SNRNP40: variants seen among roughly 807,000 people sequenced by gnomAD.
The protein encoded by SNRNP40 is U5 small nuclear ribonucleoprotein 40 kDa protein.
SNRNP40 carries 21 observed loss-of-function variants against 45.8 expected under a neutral mutation model. That is an observed-to-expected ratio of 0.46 (90% CI 0.32 to 0.66). The LOEUF (loss-of-function observed/expected upper bound fraction) is 0.66, where lower values mean the gene tolerates loss of function less well. SNRNP40 is among the 30% of genes least tolerant of loss of function. The pLI is 0.03. For synonymous variants in SNRNP40, 142 were observed against 163.8 expected (o/e 0.87, Z 1.01); for missense variants, 344 against 439.1 (o/e 0.78, Z 1.94).
At chr1:31,275,802 T>C (rs373954265) in intron 5 of SNRNP40, among the ~76,000 whole-genome samples, 4 of 152,330 alleles carry the variant, frequency 2.6e-5, no homozygotes, top group South Asian at 4.1e-4. Flanking sequence ...AAGAAATAAT[T>C]CTAGCAACCT....
Position 31,291,981 on chromosome 1 carries a change from A to T in SNRNP40, c.297T>A (p.Cys99Ter). The T allele has an allele frequency of 6.2e-7, 1 of 1,612,452 alleles. No individual in the cohort carries two copies. The highest frequency in any genetic ancestry group is 8.5e-7 in the Non-Finnish European group (1 of 1,178,462). ...LILLWNVYGD[C>*]DNYATLKGHS... ...GTCCCTTCAGTGTGGCATAGTTATC[A>T]CAGTCACCATAGACATTCCACAGTA... The change falls in exon 3 of 10, where the codon TGT (cysteine) becomes TGA (stop). Residue 99 changes from cysteine (C) to a stop codon, truncating the protein, a stop_gained. Transcript: ENST00000263694. LOFTEE classifies it high-confidence loss of function.
chr1:31,293,386 A>C, intron 1 of SNRNP40, 38 bp from the exon 2 acceptor site: 1 of 1,549,508 alleles, frequency 6.5e-7, no homozygotes, highest in South Asian at 1.2e-5. Flanking sequence ...TACTGCATAC[A>C]GACAAAGGAG....
rs1259754640 is a variant in SNRNP40, at chr1:31,278,827, G to A, written c.654+2547C>T. ...ATGATGGAGTTGTGGAAGTAGACGAGATCTGTCTTGGGGAATGTACACAGC... is the reference window on the plus strand; with the variant it reads ...ATGATGGAGTTGTGGAAGTAGACGAAATCTGTCTTGGGGAATGTACACAGC... On this transcript the variant is annotated intron_variant, in intron 5 of 9. Transcript: ENST00000263694. Among the ~76,000 whole-genome samples, 5 of 152,130 alleles carry A rather than the reference G, an allele frequency of 3.3e-5. No homozygotes were observed. In the South Asian group the frequency reaches 1.0e-3, roughly 32 times the overall value.
Position 31,294,898 on chromosome 1 carries a change from C to G in SNRNP40, c.142-1550G>C, listed in dbSNP as rs564760729. On this transcript the variant is annotated intron_variant, in intron 1 of 9. Transcript: ENST00000263694. ...CGGAGGTTGCGGTGCACCGAGATTGCGCCACTCCACTCCAGCCTGGGTGAC... is the reference window on the plus strand; with the variant it reads ...CGGAGGTTGCGGTGCACCGAGATTGGGCCACTCCACTCCAGCCTGGGTGAC... Among the ~76,000 whole-genome samples the G allele has an allele frequency of 2.0e-5, 3 of 147,644 alleles. No homozygotes were observed. The South Asian group carries it at 6.6e-4, about 32-fold the overall frequency.
chr1:31,271,530 C>T, intron 5 of SNRNP40, 31 bp from the exon 6 acceptor site: 1 of 1,588,842 alleles, frequency 6.3e-7, no homozygotes, highest in Non-Finnish European at 8.5e-7. Context: ...CCCCAGAAAT[C>T]AAATTAATAA....
At chr1:31,260,394 A>T (rs1206443040) in intron 9 of SNRNP40, among the ~76,000 whole-genome samples, 1 of 152,060 alleles carries the variant, frequency 6.6e-6, no homozygotes, top group Non-Finnish European at 1.5e-5. Flanking sequence ...AGACTTTCCC[A>T]GTCATTCTAG....
chr1:31,285,241 C>CTTT, intron 4 of SNRNP40, among the ~76,000 whole-genome samples: 1 of 99,674 alleles, frequency 1.0e-5, no homozygotes, highest in African/African-American at 3.3e-5. Context: ...TGCCTTATCA[C>CTTT]CTTTTTTTTT....
chr1:31,268,556 C>A (rs1485363817), intron 7 of SNRNP40, among the ~76,000 whole-genome samples: 1 of 152,002 alleles, frequency 6.6e-6, no homozygotes, highest in African/African-American at 2.4e-5. Context: ...CTGTGAGCCA[C>A]CATGCCAGGT....
chr1:31,294,124 A>C (rs1369766739), intron 1 of SNRNP40, among the ~76,000 whole-genome samples: 1 of 151,330 alleles, frequency 6.6e-6, no homozygotes, highest in Non-Finnish European at 1.5e-5. Context: ...CGCCCGGCTA[A>C]TTTTTGTATT....
At chr1:31,265,977 T>C (rs1199559335) in intron 8 of SNRNP40, among the ~76,000 whole-genome samples, 2 of 152,250 alleles carry the variant, frequency 1.3e-5, no homozygotes, top group Non-Finnish European at 2.9e-5. Context: ...AGCAACTTGA[T>C]AACTTAAAAT....
chr1:31,261,867 T>C (rs138005117), intron 8 of SNRNP40: 25 of 353,772 alleles, frequency 7.1e-5, no homozygotes, highest in African/African-American at 5.1e-4. Context: ...ACTGGCATGT[T>C]TGAATACAAG....
chr1:31,267,072 GA>G (rs1645902025), intron 8 of SNRNP40, among the ~76,000 whole-genome samples: 1 of 152,204 alleles, frequency 6.6e-6, no homozygotes, highest in Admixed American at 6.5e-5. Context: ...ACAGTTTATG[GA>G]TGTAACATAG....
intron 2 of SNRNP40, 125 bp from the exon 3 acceptor site, chr1:31,292,131 G>C (rs1316341362): frequency 9.3e-6 from 5 of 537,076 alleles, no homozygotes; most frequent in Non-Finnish European, 1.7e-5. Flanking sequence ...GGGAGGCCGA[G>C]ACGGGTGGAT....
rs577559395 is a variant in SNRNP40 at position 31,296,092 on chromosome 1, T to C, written c.141+519A>G. ...GTTAATAACGTTCCTAACAGGCTGCTACCAAGATCAATGGAAATTTCATAT... is the reference window on the plus strand; with the variant it reads ...GTTAATAACGTTCCTAACAGGCTGCCACCAAGATCAATGGAAATTTCATAT... On this transcript the variant is annotated intron_variant, in intron 1 of 9. Transcript: ENST00000263694. 9.8e-5 allele frequency among the ~76,000 whole-genome samples: 15 copies of C among 152,354 alleles called. No individual in the cohort carries two copies. In the Middle Eastern group the frequency reaches 0.01, roughly 104 times the overall value.
intron 4 of SNRNP40, among the ~76,000 whole-genome samples, chr1:31,288,667 C>CTTTCTTTTTT (rs36074142): frequency 8.5e-6 from 1 of 117,178 alleles, no homozygotes; most frequent in Non-Finnish European, 1.7e-5. Flanking sequence ...TCAGAACAGC[C>CTTTCTTTTTT]TTTTTTTTTT....
chr1:31,270,937 CT>C (rs1306675080), intron 6 of SNRNP40, among the ~76,000 whole-genome samples: 1 of 152,142 alleles, frequency 6.6e-6, no homozygotes, highest in African/African-American at 2.4e-5. Context: ...TAATGAAGAC[CT>C]CTTCCCACAC....
intron 5 of SNRNP40, 64 bp downstream of exon 5, chr1:31,281,310 T>A: frequency 1.4e-6 from 2 of 1,428,884 alleles, no homozygotes; most frequent in Non-Finnish European, 1.9e-6. Flanking sequence ...CTCAGAAGTT[T>A]GAAAAAATTC....
chr1:31,262,516 ATCTCC>A (rs1645865576), intron 8 of SNRNP40, among the ~76,000 whole-genome samples: 1 of 79,372 alleles, frequency 1.3e-5, no homozygotes, highest in Non-Finnish European at 2.4e-5. Flanking sequence ...GTGAGACTCC[ATCTCC>A]AAAAAAAAAA....
At chr1:31,289,495 A>T in intron 3 of SNRNP40, 76 bp from the exon 4 acceptor site, 5 of 1,397,150 alleles carry the variant, frequency 3.6e-6, no homozygotes, top group Non-Finnish European at 5.0e-6. Flanking sequence ...TACTTGACAA[A>T]AGGTGCCAAA....
Sources: gnomAD v4.1 joint callset for allele counts (sites outside exome capture counted in the v4.1 genomes callset) on GRCh38, gnomAD v4.1.1 for gene constraint, MANE v1.5 for transcripts, NCBI Gene and HGNC (gene_info 2026-07-23, HGNC 2026-07-21) for gene names.